SNX29: variants seen among roughly 807,000 people sequenced by gnomAD.
SNX29 encodes the protein sorting nexin 29.
In SNX29, 78 loss-of-function variants were observed where a neutral mutation model predicts 102.1. The observed-to-expected ratio is 0.76, with a 90% CI of 0.64 to 0.92. The LOEUF (loss-of-function observed/expected upper bound fraction) is 0.92. Among genes scored for constraint, SNX29 ranks in the 40% least tolerant of loss-of-function variants. The probability of loss-of-function intolerance (pLI) is 0.00; values close to 1 mark genes in which losing one functional copy is unlikely to be tolerated. For missense variants in SNX29, 1,280 were observed against 1,061.7 expected, an observed-to-expected ratio of 1.21 and a Z score of -2.86; for synonymous variants, 580 against 414.5, an observed-to-expected ratio of 1.40 and a Z score of -4.85.
chr16:12,077,269 A>C (rs1443927209), intron 10 of SNX29, among the ~76,000 whole-genome samples: 1 of 143,746 alleles, frequency 7.0e-6, no homozygotes, highest in South Asian at 2.2e-4. Flanking sequence ...ACGGAGTGAG[A>C]ACCTGTCTTA....
At chr16:12,143,905 A>C (rs921149021) in intron 13 of SNX29, among the ~76,000 whole-genome samples, 2 of 152,206 alleles carry the variant, frequency 1.3e-5, no homozygotes, top group Non-Finnish European at 2.9e-5. Flanking sequence ...TTAAATCAGA[A>C]TCTCTGGAGC....
intron 17 of SNX29, among the ~76,000 whole-genome samples, chr16:12,402,744 G>A (rs548912235): frequency 2.0e-5 from 3 of 152,350 alleles, no homozygotes; most frequent in South Asian, 4.1e-4. Flanking sequence ...TGCGTGGTAG[G>A]TGCTCAGTAA....
At chr16:12,154,989 A>G (rs1188312441) in intron 13 of SNX29, among the ~76,000 whole-genome samples, 1 of 152,198 alleles carries the variant, frequency 6.6e-6, no homozygotes, top group Non-Finnish European at 1.5e-5. Context: ...CATTGAGACC[A>G]CAGTAGCAAG....
chr16:12,539,766 C>T (rs1037047478), intron 20 of SNX29, among the ~76,000 whole-genome samples: 6 of 152,172 alleles, frequency 3.9e-5, no homozygotes, highest in African/African-American at 1.4e-4. Context: ...TCTTAATTTG[C>T]ATTTTCCTAA....
intron 13 of SNX29, among the ~76,000 whole-genome samples, chr16:12,160,684 A>G (rs1290098044): frequency 2.0e-5 from 3 of 148,116 alleles, no homozygotes; most frequent in Non-Finnish European, 4.6e-5. Flanking sequence ...AAACCACTGG[A>G]CATGCACTTT....
At chr16:12,558,568 A>T (rs4781256) in intron 20 of SNX29, among the ~76,000 whole-genome samples, 1 of 152,148 alleles carries the variant, frequency 6.6e-6, no homozygotes, top group African/African-American at 2.4e-5. Flanking sequence ...TACCCCGTCC[A>T]TGGTGGATCC....
rs566005271 is a variant in SNX29, at chr16:12,036,941, G to C, written c.248-5956G>C. 3.3e-5 allele frequency among the ~76,000 whole-genome samples: 5 copies of C among 152,246 alleles called. No homozygotes were observed. The East Asian group carries it at 9.7e-4, about 29-fold the overall frequency. ...AATTAAGAAATCATCTTGGAGTTGAGCTGGATTAAGGGGGTCTGCCTTCTC... is the reference window on the plus strand; with the variant it reads ...AATTAAGAAATCATCTTGGAGTTGACCTGGATTAAGGGGGTCTGCCTTCTC... On this transcript the variant is annotated intron_variant, in intron 4 of 20. Transcript: ENST00000566228.
At chr16:12,494,852 C>T (rs1363119750) in intron 19 of SNX29, among the ~76,000 whole-genome samples, 2 of 152,224 alleles carry the variant, frequency 1.3e-5, no homozygotes, top group African/African-American at 4.8e-5. Flanking sequence ...TTTTTCCTAT[C>T]CGCAGAAAAT....
chr16:12,188,916 G>C (rs886190040), intron 13 of SNX29, among the ~76,000 whole-genome samples: 3 of 152,184 alleles, frequency 2.0e-5, no homozygotes, highest in Admixed American at 1.3e-4. Flanking sequence ...CAGACTTCTT[G>C]TACGTGGGAG....
chr16:12,215,290 G>C (rs527790133), intron 14 of SNX29, among the ~76,000 whole-genome samples: 1 of 149,352 alleles, frequency 6.7e-6, no homozygotes, highest in African/African-American at 2.5e-5. Context: ...TTAAGGCCAG[G>C]AGTTTGAGAC....
At chr16:12,519,220 A>C (rs1448864131) in intron 19 of SNX29, among the ~76,000 whole-genome samples, 1 of 152,050 alleles carries the variant, frequency 6.6e-6, no homozygotes, top group African/African-American at 2.4e-5. Context: ...CCTGTGGGTC[A>C]CAGTTAGTCT....
At chr16:12,558,394 A>G (rs570896650) in intron 20 of SNX29, among the ~76,000 whole-genome samples, 19 of 152,298 alleles carry the variant, frequency 1.2e-4, no homozygotes, top group African/African-American at 4.3e-4. Flanking sequence ...ACATAGAGTG[A>G]TATGTTAGCC....
intron 15 of SNX29, among the ~76,000 whole-genome samples, chr16:12,295,207 A>G (rs926035327): frequency 6.6e-6 from 1 of 152,166 alleles, no homozygotes; most frequent in African/African-American, 2.4e-5. Flanking sequence ...ATCCCTTCCC[A>G]TGTCCTTGCT....
chr16:12,465,160 C>G (rs1382344693), intron 18 of SNX29, among the ~76,000 whole-genome samples: 1 of 152,180 alleles, frequency 6.6e-6, no homozygotes, highest in Non-Finnish European at 1.5e-5. Context: ...CAAATATCTT[C>G]TACTTTGTAG....
chr16:11,985,544 T>C (rs901031615), intron 1 of SNX29, among the ~76,000 whole-genome samples: 4 of 152,214 alleles, frequency 2.6e-5, no homozygotes, highest in African/African-American at 9.6e-5. Flanking sequence ...CTCTGTTGGC[T>C]TCACCCACAG....
intron 14 of SNX29, among the ~76,000 whole-genome samples, chr16:12,228,953 G>C (rs1300059259): frequency 6.6e-6 from 1 of 152,180 alleles, no homozygotes; most frequent in African/African-American, 2.4e-5. Flanking sequence ...GACTCCTGCT[G>C]CTCTCCCTAA....
chr16:12,148,949 G>T (rs1161669802), intron 13 of SNX29, among the ~76,000 whole-genome samples: 1 of 152,058 alleles, frequency 6.6e-6, no homozygotes, highest in Non-Finnish European at 1.5e-5. Flanking sequence ...TGATCCACCT[G>T]CCTCAGCCTC....
rs920682313 is a variant in SNX29 at position 12,569,397 on chromosome 16, C to T, written c.*768C>T. On this transcript the variant is annotated 3_prime_UTR_variant, in exon 21 of 21. Transcript: ENST00000566228. ...CTCAGACATCTGGCCCAGCCATCAG[C>T]AGCAACCTAGTAACCCGGCGTCATC... 2.2e-5 allele frequency: 5 copies of T among 230,720 alleles called. No homozygotes were observed. Among genetic ancestry groups the T allele is most frequent in the Non-Finnish European group, 3.4e-5 (4 of 116,562 alleles). The allele number at this position is 230,720 out of a possible 1,614,324, so 14.3% of individuals were successfully genotyped here. A position where few individuals can be genotyped will look rare whatever the true frequency, so the allele number is the denominator to read the frequency against.
chr16:12,517,254 C>G (rs77957613), intron 19 of SNX29, among the ~76,000 whole-genome samples: 1,687 of 152,254 alleles, frequency 0.011, 37 homozygotes, highest in African/African-American at 0.039. Context: ...TTGGCTGCCA[C>G]CCTAGGAGCC....
Sources: gnomAD v4.1 joint callset for allele counts (sites outside exome capture counted in the v4.1 genomes callset) on GRCh38, gnomAD v4.1.1 for gene constraint, MANE v1.5 for transcripts, NCBI Gene and HGNC (gene_info 2026-07-23, HGNC 2026-07-21) for gene names.